The following RPTOR variants were observed in gnomAD, a reference collection of about 807,000 sequenced individuals.
RPTOR encodes the protein regulatory associated protein of MTOR complex 1.
RPTOR carries 21 observed loss-of-function variants against 169.9 expected under a neutral mutation model. The observed-to-expected ratio is 0.12, with a 90% CI of 0.09 to 0.18. The LOEUF (loss-of-function observed/expected upper bound fraction) is 0.18, where lower values mean the gene tolerates loss of function less well. RPTOR is among the 10% of genes least tolerant of loss of function. RPTOR has a pLI of 1.00. For missense variants in RPTOR, 1,133 were observed against 1,855.9 expected, an observed-to-expected ratio of 0.61 and a Z score of 7.16; for synonymous variants, 732 against 753.2, an observed-to-expected ratio of 0.97 and a Z score of 0.46.
chr17:80,652,652 C>A (rs2065650108), intron 3 of RPTOR, among the ~76,000 whole-genome samples: 1 of 152,162 alleles, frequency 6.6e-6, no homozygotes, highest in South Asian at 2.1e-4. Flanking sequence ...TTTATGGGTT[C>A]ATCTGTTGAT....
At chr17:80,816,239 G>A (rs779481699) in intron 7 of RPTOR, among the ~76,000 whole-genome samples, 3 of 152,228 alleles carry the variant, frequency 2.0e-5, no homozygotes, top group African/African-American at 4.8e-5. Context: ...GGCCTGGCCC[G>A]AGAATGCTGT....
chr17:80,768,272 T>A (rs1236775765), intron 6 of RPTOR, among the ~76,000 whole-genome samples: 1 of 152,198 alleles, frequency 6.6e-6, no homozygotes, highest in African/African-American at 2.4e-5. Flanking sequence ...CATGTCTGTC[T>A]AACGGGAGAA....
intron 9 of RPTOR, among the ~76,000 whole-genome samples, chr17:80,832,421 G>A (rs1173444030): frequency 6.6e-6 from 1 of 152,144 alleles, no homozygotes; most frequent in African/African-American, 2.4e-5. Flanking sequence ...CATGCCCATC[G>A]CCCCCCTGTC....
intron 3 of RPTOR, among the ~76,000 whole-genome samples, chr17:80,701,038 G>A (rs930230468): frequency 6.6e-6 from 1 of 152,138 alleles, no homozygotes; most frequent in African/African-American, 2.4e-5. Flanking sequence ...CTGTTGTCCA[G>A]CTGGGTGATT....
At chr17:80,706,097 A>G (rs1429978516) in intron 3 of RPTOR, among the ~76,000 whole-genome samples, 1 of 152,196 alleles carries the variant, frequency 6.6e-6, no homozygotes, top group Non-Finnish European at 1.5e-5. Context: ...TATCAAAGTG[A>G]TGAACATACA....
intron 1 of RPTOR, among the ~76,000 whole-genome samples, chr17:80,571,644 C>T (rs1358798731): frequency 6.6e-6 from 1 of 152,092 alleles, no homozygotes; most frequent in Non-Finnish European, 1.5e-5. Context: ...CCTCAGCTTC[C>T]CGGGTAACTG....
In RPTOR at chr17:80,923,512, A is replaced by G; in HGVS notation, c.2647A>G (p.Thr883Ala). ...QAGGSPPASS[T>A]SSSSLTNDVA... ...CAGGGGCTCCCCTCCGGCGTCCAGCACCAGCAGCTCCAGCCTGACCAACGA... is the reference window on the plus strand; with the variant it reads ...CAGGGGCTCCCCTCCGGCGTCCAGCGCCAGCAGCTCCAGCCTGACCAACGA... The change falls in exon 23 of 34, where the codon ACC becomes GCC. Residue 883 changes from threonine (T) to alanine (A), a missense_variant. By Grantham distance (58) the Thr-to-Ala change is moderately conservative. Coordinates refer to ENST00000306801, the MANE Select transcript of RPTOR (RefSeq NM_020761.3). 1 of 1,613,318 alleles carries G rather than the reference A, an allele frequency of 6.2e-7. No homozygotes were observed. Among genetic ancestry groups the G allele is most frequent in the Non-Finnish European group, 8.5e-7 (1 of 1,179,974 alleles).
intron 4 of RPTOR, among the ~76,000 whole-genome samples, chr17:80,716,312 C>G (rs1005906958): frequency 1.3e-5 from 2 of 152,178 alleles, no homozygotes; most frequent in Non-Finnish European, 2.9e-5. Flanking sequence ...TTGCATTTCC[C>G]TGATCATTAG....
chr17:80,629,653 G>GTC (rs58984418), intron 2 of RPTOR, among the ~76,000 whole-genome samples: 2,068 of 150,456 alleles, frequency 0.014, 52 homozygotes, highest in African/African-American at 0.048. Flanking sequence ...TCTTCCGTGT[G>GTC]TCTCTCTCTC....
intron 23 of RPTOR, among the ~76,000 whole-genome samples, chr17:80,924,596 A>G (rs1341466273): frequency 6.6e-6 from 1 of 151,772 alleles, no homozygotes; most frequent in African/African-American, 2.4e-5. Flanking sequence ...CCCCAAGTGC[A>G]GGGTCAGCCT....
rs1051876529 is a variant in RPTOR at position 80,957,919 on chromosome 17, G to T, written c.3477+189G>T. 1.1e-4 allele frequency among the ~76,000 whole-genome samples: 16 copies of T among 152,344 alleles called. No homozygotes were observed. Among genetic ancestry groups the T allele is most frequent in the African/African-American group, 3.8e-4 (16 of 41,572 alleles). On this transcript the variant is annotated intron_variant, in intron 29 of 33. Coordinates refer to ENST00000306801, the MANE Select transcript of RPTOR (RefSeq NM_020761.3). This position sits in a 1 kb window ranked among gnomAD's most constrained non-coding sequence, Gnocchi z 4.6. Reference sequence around the variant, plus strand: ...GGCTCCCTGAGGCCTCTGGATGAAGGTGAACTGCAACACCCAGCCCTGCGC... The same window carrying T: ...GGCTCCCTGAGGCCTCTGGATGAAGTTGAACTGCAACACCCAGCCCTGCGC...
intron 3 of RPTOR, among the ~76,000 whole-genome samples, chr17:80,648,798 A>G (rs1036228727): frequency 1.3e-5 from 2 of 152,096 alleles, no homozygotes; most frequent in Non-Finnish European, 2.9e-5. Context: ...CACTCCCACA[A>G]TTCCCACGTG....
chr17:80,901,230 C>T (rs1472611655), intron 20 of RPTOR, among the ~76,000 whole-genome samples: 1 of 152,104 alleles, frequency 6.6e-6, no homozygotes, highest in African/African-American at 2.4e-5. Context: ...TTGAGGGCCA[C>T]CCAGACGGGA....
At chr17:80,821,481 T>C (rs1259737979) in intron 7 of RPTOR, among the ~76,000 whole-genome samples, 1 of 152,204 alleles carries the variant, frequency 6.6e-6, no homozygotes, top group East Asian at 1.9e-4. Flanking sequence ...TCCAGCTCCA[T>C]CCAAGTTGCT....
intron 17 of RPTOR, among the ~76,000 whole-genome samples, chr17:80,891,278 C>A (rs1049464433): frequency 5.3e-5 from 8 of 152,280 alleles, no homozygotes; most frequent in African/African-American, 1.9e-4. Context: ...TCGGCTTGTC[C>A]GCTGCACTCG....
At chr17:80,632,031 T>G (rs2065446060) in intron 2 of RPTOR, among the ~76,000 whole-genome samples, 1 of 152,194 alleles carries the variant, frequency 6.6e-6, no homozygotes. Context: ...TCACACTATG[T>G]GAGGGTGTTT....
At chr17:80,636,924 G>T (rs753387278) in intron 2 of RPTOR, among the ~76,000 whole-genome samples, 20 of 152,250 alleles carry the variant, frequency 1.3e-4, no homozygotes, top group Non-Finnish European at 2.6e-4. Context: ...ATGTAGCCTT[G>T]CAGGACGGCC....
rs1381031109 is a variant in RPTOR, at chr17:80,908,001, A to G, written c.2402-810A>G. Among the ~76,000 whole-genome samples, 3 of 152,080 alleles carry G rather than the reference A, an allele frequency of 2.0e-5. No homozygotes were observed. The South Asian group carries it at 6.2e-4, about 32-fold the overall frequency. Reference sequence around the variant, plus strand: ...AAAGGTTTGATGGGTGTGCGTTCACATCCTTCATCCTCTGGGCCTCACCTT... The same window carrying G: ...AAAGGTTTGATGGGTGTGCGTTCACGTCCTTCATCCTCTGGGCCTCACCTT... On this transcript the variant is annotated intron_variant, in intron 20 of 33. Coordinates refer to ENST00000306801, the MANE Select transcript of RPTOR (RefSeq NM_020761.3).
chr17:80,916,269 G>T (rs2068672354), intron 21 of RPTOR, among the ~76,000 whole-genome samples: 1 of 152,140 alleles, frequency 6.6e-6, no homozygotes, highest in Non-Finnish European at 1.5e-5. Flanking sequence ...CCATCTCTGG[G>T]GCTCTGCAGT....
Sources: allele counts gnomAD v4.1 joint callset (sites outside exome capture counted in the v4.1 genomes callset), GRCh38; gene constraint gnomAD v4.1.1; non-coding constraint Gnocchi (gnomAD v3.1); transcripts MANE v1.5; gene names NCBI Gene and HGNC (gene_info 2026-07-23, HGNC 2026-07-21).